Variants in TET3 observed in about 807,000 individuals in gnomAD.
The protein encoded by TET3 is tet methylcytosine dioxygenase 3, also known as methylcytosine dioxygenase TET3.
Under a neutral mutation model 141.4 loss-of-function variants are expected in TET3, and 19 were observed. That is an observed-to-expected ratio of 0.13 (90% CI 0.09 to 0.20). The LOEUF is 0.20. Ranked by LOEUF, TET3 falls within the 10% of genes least tolerant of loss-of-function variation. The pLI, the probability that TET3 is intolerant of heterozygous loss-of-function variation, is 1.00. For missense variants in TET3, 1,874 were observed against 2,356.9 expected (o/e 0.80, Z 4.24); for synonymous variants, 1,043 against 980.9 (o/e 1.06, Z -1.18).
intron 2 of TET3, chr2:73,993,242 C>T (rs1201022811): frequency 2.0e-5 from 3 of 152,242 alleles, no homozygotes; most frequent in African/African-American, 7.2e-5. Context: ...GGGCACCTAC[C>T]TGGACTATTC....
chr2:74,042,216 T>G (rs1687377248), intron 3 of TET3, among the ~76,000 whole-genome samples: 1 of 152,186 alleles, frequency 6.6e-6, no homozygotes, highest in Admixed American at 6.5e-5. Context: ...CTTGTGAAAC[T>G]TGAACATCCA....
intron 3 of TET3, among the ~76,000 whole-genome samples, chr2:74,024,704 G>A (rs1686238074): frequency 6.6e-6 from 1 of 151,890 alleles, no homozygotes. Flanking sequence ...TAAGATTTGG[G>A]GAATGTTACC....
chr2:74,112,956 C>T (rs1572922146), downstream of TET3, among the ~76,000 whole-genome samples: 2 of 119,638 alleles, frequency 1.7e-5, no homozygotes, highest in South Asian at 5.6e-4. Context: ...GCAGTGAGTG[C>T]AAATCTCACC....
At chr2:74,033,866 C>T (rs1052583147) in intron 3 of TET3, among the ~76,000 whole-genome samples, 10 of 152,100 alleles carry the variant, frequency 6.6e-5, no homozygotes, top group African/African-American at 2.4e-4. Context: ...GAGGCTGAGG[C>T]GGGCGGATCA....
Position 74,100,655 on chromosome 2 carries a change from T to C in TET3, c.3867T>C (p.Phe1289=). The C allele has an allele frequency of 6.2e-7, 1 of 1,614,046 alleles. No individual in the cohort carries two copies. The highest frequency in any genetic ancestry group is 8.5e-7 in the Non-Finnish European group (1 of 1,179,898). ...TCCCGTCTTTTAGCTACTATGGCTT[T>C]CCATCCAGCAACCCCGTCTTCCCCT... ...YALPSFSYYG[F]PSSNPVFPSQ... is the part of the protein sequence containing the mutation. Residue 1289 remains phenylalanine (F), a synonymous_variant, in exon 12 of 12, where the codon TTT becomes TTC. Transcript: ENST00000409262.
intron 3 of TET3, among the ~76,000 whole-genome samples, chr2:74,035,848 C>T (rs1687022878): frequency 6.6e-6 from 1 of 151,996 alleles, no homozygotes; most frequent in Non-Finnish European, 1.5e-5. Context: ...CCCTTCTCTA[C>T]TAAATAAATA....
intron 2 of TET3, among the ~76,000 whole-genome samples, chr2:73,989,703 C>G (rs1220952761): frequency 6.6e-6 from 1 of 152,120 alleles, no homozygotes; most frequent in Admixed American, 6.5e-5. Flanking sequence ...TGTGGTCTTC[C>G]TTCCTAGTTC....
At chr2:74,048,854 A>G (rs1687791061) in intron 4 of TET3, among the ~76,000 whole-genome samples, 2 of 152,132 alleles carry the variant, frequency 1.3e-5, no homozygotes, top group South Asian at 4.1e-4. Context: ...GATGAACAAA[A>G]GGTGGCTTGG....
intron 3 of TET3, among the ~76,000 whole-genome samples, chr2:74,019,856 T>C (rs1475294606): frequency 6.6e-6 from 1 of 152,224 alleles, no homozygotes; most frequent in African/African-American, 2.4e-5. Flanking sequence ...ATTATTATCC[T>C]GAGACCCACA....
At chr2:74,037,692 G>A (rs955511906) in intron 3 of TET3, among the ~76,000 whole-genome samples, 14 of 152,184 alleles carry the variant, frequency 9.2e-5, no homozygotes, top group African/African-American at 3.4e-4. Context: ...CTAATATGGT[G>A]TGTAACTGCT....
intron 2 of TET3, 48 bp from the exon 3 acceptor site, chr2:74,003,062 C>T (rs866700055): frequency 1.9e-6 from 3 of 1,549,706 alleles, no homozygotes; most frequent in Middle Eastern, 3.3e-4. Context: ...ACTTTGCTGC[C>T]TTCCTGGTAC....
rs1690617665 is a variant in TET3, at chr2:74,093,279, T to C, written c.3130-250T>C. ...GTGAGGCCCGAGTTTCTCTCACCTG[T>C]CACCCTTGTATCTCCTAGACAAGGC... On this transcript the variant is annotated intron_variant, in intron 9 of 11. Transcript: ENST00000409262. The surrounding 1 kb of genome is among the most constrained non-coding windows in gnomAD (Gnocchi z 4.2). Among the ~76,000 whole-genome samples, 1 of 152,200 alleles carries C rather than the reference T, an allele frequency of 6.6e-6. No individual in the cohort carries two copies.
At chr2:74,003,682 G>A (rs1173501272) in intron 3 of TET3, among the ~76,000 whole-genome samples, 1 of 151,470 alleles carries the variant, frequency 6.6e-6, no homozygotes, top group African/African-American at 2.4e-5. Flanking sequence ...GGTGGTGGGG[G>A]TGAGGATATT....
At chr2:74,082,353 G>A (rs1183959794) in intron 6 of TET3, among the ~76,000 whole-genome samples, 1 of 152,174 alleles carries the variant, frequency 6.6e-6, no homozygotes, top group Non-Finnish European at 1.5e-5. Context: ...TGGAGGGGCA[G>A]GAACTTTGTC....
chr2:74,067,111 C>G (rs1459774176), intron 4 of TET3, among the ~76,000 whole-genome samples: 1 of 152,112 alleles, frequency 6.6e-6, no homozygotes, highest in Non-Finnish European at 1.5e-5. Context: ...CCCCACTCCC[C>G]CCTGCTCTCC....
At chr2:74,006,784 G>A (rs1382802545) in intron 3 of TET3, among the ~76,000 whole-genome samples, 2 of 152,100 alleles carry the variant, frequency 1.3e-5, no homozygotes, top group Admixed American at 6.5e-5. Flanking sequence ...TTGGGCTTTC[G>A]GCCTCATTTC....
intron 3 of TET3, among the ~76,000 whole-genome samples, chr2:74,011,534 T>C (rs1488251783): frequency 6.6e-6 from 1 of 152,188 alleles, no homozygotes; most frequent in Non-Finnish European, 1.5e-5. Flanking sequence ...ACTGAGTGGG[T>C]TCCCCCTGTG....
chr2:74,099,668 C>A, intron 11 of TET3, 56 bp downstream of exon 11: 1 of 1,463,210 alleles, frequency 6.8e-7, no homozygotes, highest in Non-Finnish European at 9.1e-7. Flanking sequence ...CTCATGGGGG[C>A]CCCTGCTCTT....
Position 74,090,008 on chromosome 2 carries a change from A to C in TET3, c.3000A>C (p.Thr1000=). Residue 1000 remains threonine (T), a synonymous_variant, in exon 8 of 12, where the codon ACA becomes ACC. Coordinates refer to ENST00000409262, the MANE Select transcript of TET3 (RefSeq NM_001287491.2). ...GCTGCAAGTATGCTCGGAGCAAGAC[A>C]CCTCGCAAGTTCCGCCTCGCAGGGG... The part of the protein sequence containing the change: ...FNGCKYARSK[T]PRKFRLAGDN... 6.2e-7 allele frequency: 1 copy of C among 1,614,022 alleles called. No homozygotes were observed.
Sources: allele counts gnomAD v4.1 joint callset (sites outside exome capture counted in the v4.1 genomes callset), GRCh38; gene constraint gnomAD v4.1.1; non-coding constraint Gnocchi (gnomAD v3.1); transcripts MANE v1.5; gene names NCBI Gene and HGNC (gene_info 2026-07-23, HGNC 2026-07-21).